PLXNA4: variants seen among roughly 807,000 people sequenced by gnomAD.
PLXNA4 encodes the protein plexin A4.
PLXNA4 carries 44 observed loss-of-function variants against 191.8 expected under a neutral mutation model. The ratio of observed to expected loss-of-function variants is 0.23; its 90% CI spans 0.18 to 0.29. The LOEUF is 0.29. Ranked by LOEUF, PLXNA4 falls within the 10% of genes least tolerant of loss-of-function variation. The pLI is 1.00. For missense variants in PLXNA4, 1,800 were observed against 2,488.8 expected, an observed-to-expected ratio of 0.72 and a Z score of 5.89; for synonymous variants, 1,082 against 1,009.5, an observed-to-expected ratio of 1.07 and a Z score of -1.36.
rs562405273 is a variant in PLXNA4, at chr7:132,249,114, G to A, written c.1504-7948C>T. On this transcript the variant is annotated intron_variant, in intron 4 of 31. Coordinates refer to ENST00000321063, the MANE Select transcript of PLXNA4 (RefSeq NM_020911.2). Reference sequence around the variant, plus strand: ...ACCGCCCCAGGGCATGAGGCTTGGGGAGCTGAGGTTCCAAGCTGTAATCTA... The same window carrying A: ...ACCGCCCCAGGGCATGAGGCTTGGGAAGCTGAGGTTCCAAGCTGTAATCTA... 8.5e-5 allele frequency among the ~76,000 whole-genome samples: 13 copies of A among 152,376 alleles called. No individual in the cohort carries two copies. The South Asian group carries it at 1.2e-3, about 15-fold the overall frequency.
At chr7:132,247,868 G>A (rs1335258251) in intron 4 of PLXNA4, among the ~76,000 whole-genome samples, 1 of 152,152 alleles carries the variant, frequency 6.6e-6, no homozygotes, top group East Asian at 1.9e-4. Flanking sequence ...GCTCAAAGGG[G>A]GCAGGTATTT....
intron 9 of PLXNA4, among the ~76,000 whole-genome samples, chr7:132,213,573 C>T (rs1002052638): frequency 2.0e-4 from 31 of 152,208 alleles, no homozygotes; most frequent in Admixed American, 7.8e-4. Flanking sequence ...CCACCACAGC[C>T]GCTACTCTAG....
chr7:132,582,817 C>T (rs2116814738), intron 2 of PLXNA4, among the ~76,000 whole-genome samples: 1 of 152,326 alleles, frequency 6.6e-6, no homozygotes, highest in African/African-American at 2.4e-5. Flanking sequence ...ACCTTGACCT[C>T]ATTAACCTCT....
At chr7:132,442,092 C>A (rs962560192) in intron 3 of PLXNA4, among the ~76,000 whole-genome samples, 1 of 152,200 alleles carries the variant, frequency 6.6e-6, no homozygotes, top group South Asian at 2.1e-4. Flanking sequence ...CTGGGAGGAG[C>A]CCCAAGCCCT....
rs546321492 is a variant in PLXNA4 at position 132,240,600 on chromosome 7, G to A, written c.1604+466C>T. ...AAAATCCTTTGGAGCTGTTGAAGTAGATGTTAAGGAGATGTGGAATCACTA... is the reference window on the plus strand; with the variant it reads ...AAAATCCTTTGGAGCTGTTGAAGTAAATGTTAAGGAGATGTGGAATCACTA... On this transcript the variant is annotated intron_variant, in intron 5 of 31. Coordinates refer to ENST00000321063, the MANE Select transcript of PLXNA4 (RefSeq NM_020911.2). 2.0e-5 allele frequency among the ~76,000 whole-genome samples: 3 copies of A among 152,348 alleles called. No homozygotes were observed. In the East Asian group the frequency reaches 5.8e-4, roughly 29 times the overall value.
At chr7:132,328,413 G>A (rs181585463) in intron 3 of PLXNA4, among the ~76,000 whole-genome samples, 84 of 152,154 alleles carry the variant, frequency 5.5e-4, no homozygotes, top group Non-Finnish European at 1.1e-3. Flanking sequence ...TGGGCTTGGC[G>A]GAGGGCTGGA....
chr7:132,169,876 G>A (rs1796232903), intron 21 of PLXNA4, among the ~76,000 whole-genome samples: 2 of 152,198 alleles, frequency 1.3e-5, no homozygotes, highest in Admixed American at 1.3e-4. Context: ...TAAAAAGTCA[G>A]CTATAGGATC....
In PLXNA4 at chr7:132,187,687, A is replaced by G. The variant is rs1431852591; in HGVS notation, c.2857-80T>C. 15 of 1,484,622 alleles carry G rather than the reference A, an allele frequency of 1.0e-5. 1 individual carries two copies. The East Asian group carries it at 3.6e-4, about 36-fold the overall frequency. The allele number at this position is 1,484,622 out of a possible 1,614,324, so 92.0% of individuals were successfully genotyped here. A position where few individuals can be genotyped will look rare whatever the true frequency, so the allele number is the denominator to read the frequency against. ...CTGGGCAGGCGTGAGGCAGCACCCC[A>G]CTCCCCCAAGCTGCCTTCTGGAATC... is the stretch of plus-strand genomic sequence containing the variant. On this transcript the variant is annotated intron_variant, in intron 14 of 31. Transcript: ENST00000321063.
At chr7:132,452,808 A>T (rs1796171885) in intron 3 of PLXNA4, among the ~76,000 whole-genome samples, 1 of 152,236 alleles carries the variant, frequency 6.6e-6, no homozygotes, top group Non-Finnish European at 1.5e-5. Flanking sequence ...AGATGGTCAG[A>T]AATGCAGGTC....
intron 2 of PLXNA4, among the ~76,000 whole-genome samples, chr7:132,591,013 A>G (rs1333989118): frequency 6.6e-6 from 1 of 152,134 alleles, no homozygotes; most frequent in Non-Finnish European, 1.5e-5. Context: ...AACTTCTCAG[A>G]GTGCTCCTGC....
intron 3 of PLXNA4, among the ~76,000 whole-genome samples, chr7:132,374,676 T>C (rs184961834): frequency 1.3e-5 from 2 of 152,348 alleles, no homozygotes; most frequent in African/African-American, 4.8e-5. Flanking sequence ...CAACAGTTTC[T>C]AGCTCTACCA....
At chr7:132,610,560 C>T (rs895708665) in intron 2 of PLXNA4, among the ~76,000 whole-genome samples, 11 of 152,308 alleles carry the variant, frequency 7.2e-5, no homozygotes, top group African/African-American at 2.6e-4. Context: ...GCTTAAAGCT[C>T]CCTCTCTCTC....
At chr7:132,385,303 A>G (rs753825306) in intron 3 of PLXNA4, 3 of 1,608,654 alleles carry the variant, frequency 1.9e-6, no homozygotes, top group Middle Eastern at 3.3e-4. Context: ...CATCTGGAAA[A>G]GATGAAACCT....
intron 1 of PLXNA4, among the ~76,000 whole-genome samples, chr7:132,536,912 G>C (rs1799862211): frequency 6.6e-6 from 1 of 152,232 alleles, no homozygotes; most frequent in African/African-American, 2.4e-5. Context: ...GAACTGCTGA[G>C]TCCCCACTCT....
At chr7:132,190,077 A>T (rs7809557) in intron 14 of PLXNA4, among the ~76,000 whole-genome samples, 67,426 of 152,174 alleles carry the variant, frequency 0.44, 18,278 homozygotes, top group African/African-American at 0.74. Context: ...CCTCTGCTTC[A>T]GTCTCTCCTG....
chr7:132,463,116 G>T (rs1563113498), intron 3 of PLXNA4, among the ~76,000 whole-genome samples: 1 of 152,036 alleles, frequency 6.6e-6, no homozygotes, highest in Non-Finnish European at 1.5e-5. Context: ...CTCTCAAAGT[G>T]CTAGGATTAC....
intron 1 of PLXNA4, among the ~76,000 whole-genome samples, chr7:132,552,709 C>T (rs1420096857): frequency 6.6e-5 from 10 of 152,200 alleles, no homozygotes; most frequent in Non-Finnish European, 1.5e-4. Context: ...TGGAGACACA[C>T]CCCCTTTGGG....
At chr7:132,474,360 T>C (rs73442728) in intron 3 of PLXNA4, among the ~76,000 whole-genome samples, 4,586 of 152,182 alleles carry the variant, frequency 0.03, 149 homozygotes, top group African/African-American at 0.08. Context: ...TTTTTTTCTG[T>C]AGTTCTTTTA....
At chr7:132,370,172 T>G (rs1804375864) in intron 3 of PLXNA4, among the ~76,000 whole-genome samples, 1 of 152,054 alleles carries the variant, frequency 6.6e-6, no homozygotes, top group South Asian at 2.1e-4. Context: ...AAGAGTCAAC[T>G]TGGGTGTTCT....
Sources: allele counts gnomAD v4.1 joint callset (sites outside exome capture counted in the v4.1 genomes callset), GRCh38; gene constraint gnomAD v4.1.1; transcripts MANE v1.5; gene names NCBI Gene and HGNC (gene_info 2026-07-23, HGNC 2026-07-21).